The following SNX16 variants were observed in gnomAD, a reference collection of about 807,000 sequenced individuals.
SNX16 encodes the protein sorting nexin-16.
A neutral mutation model predicts 36.7 loss-of-function variants in SNX16; 35 were observed. That is an observed-to-expected ratio of 0.95 (90% confidence interval 0.73 to 1.27). SNX16 has a LOEUF of 1.27. Ranked by LOEUF, SNX16 falls within the 50% of genes most tolerant of loss-of-function variation. The pLI, the probability that SNX16 is intolerant of heterozygous loss-of-function variation, is 0.00. For missense variants in SNX16, 367 were observed against 393.6 expected, an observed-to-expected ratio of 0.93 and a Z score of 0.57; for synonymous variants, 134 against 132.0, an observed-to-expected ratio of 1.02 and a Z score of -0.10.
chr8:81,834,332 T>C (rs542871085), intron 2 of SNX16, among the ~76,000 whole-genome samples: 25 of 152,310 alleles, frequency 1.6e-4, no homozygotes, highest in African/African-American at 6.0e-4. Flanking sequence ...GAATTCAAGA[T>C]GAGATTTGGG....
intron 6 of SNX16, among the ~76,000 whole-genome samples, 175 bp downstream of exon 6, chr8:81,802,917 A>G (rs1456044981): frequency 6.6e-6 from 1 of 151,936 alleles, no homozygotes; most frequent in Non-Finnish European, 1.5e-5. Context: ...AATGTTCAAA[A>G]TTTATTTAGC....
chr8:81,823,352 T>A (rs1731839290), intron 4 of SNX16, among the ~76,000 whole-genome samples: 1 of 152,134 alleles, frequency 6.6e-6, no homozygotes, highest in African/African-American at 2.4e-5. Context: ...GTATTTTCAC[T>A]CTACCTTCTA....
At chr8:81,812,226 A>C (rs1376455640) in intron 5 of SNX16, among the ~76,000 whole-genome samples, 1 of 152,100 alleles carries the variant, frequency 6.6e-6, no homozygotes, top group Non-Finnish European at 1.5e-5. Flanking sequence ...AAGAAGGAGA[A>C]GGGAGAGAAA....
intron 1 of SNX16, 50 bp from the exon 2 acceptor site, chr8:81,840,132 G>T: frequency 1.1e-6 from 1 of 872,002 alleles, no homozygotes; most frequent in Non-Finnish European, 1.7e-6. Flanking sequence ...TGTGCAGCAG[G>T]ATTCAAAAGA....
At chr8:81,822,167 G>A (rs531760273) in intron 4 of SNX16, among the ~76,000 whole-genome samples, 2 of 152,074 alleles carry the variant, frequency 1.3e-5, no homozygotes, top group African/African-American at 2.4e-5. Flanking sequence ...GGTGGTGGTG[G>A]TAGTGGTGGT....
At chr8:81,841,593 T>C (rs1811779105) in intron 1 of SNX16, 1 of 151,416 alleles carries the variant, frequency 6.6e-6, no homozygotes, top group African/African-American at 2.4e-5. Context: ...ACACAACCAC[T>C]GACGTCCGAA....
chr8:81,829,479 C>A lies in SNX16; in HGVS notation c.413G>T (p.Ser138Ile). The change falls in exon 3 of 8, where the codon AGC becomes ATC. Residue 138 changes from serine (S) to isoleucine (I), a missense_variant. By Grantham distance (142) the Ser-to-Ile change is moderately radical. Coordinates refer to ENST00000345957, the MANE Select transcript of SNX16 (RefSeq NM_152836.3). The stretch of plus-strand genomic sequence containing the variant: ...AGTGTATCTTCTGAAAACTACCCAG[C>A]TTTCTTCTGGGGTTTTCTTTACTAG... ...KILVKKTPEESWVVFRRYTDF... is the reference protein window; with the variant it reads ...KILVKKTPEEIWVVFRRYTDF... 1 of 1,431,382 alleles carries A rather than the reference C, an allele frequency of 7.0e-7. No homozygotes were observed. The highest frequency in any genetic ancestry group is 9.2e-7 in the Non-Finnish European group (1 of 1,090,734). The allele number at this position is 1,431,382 out of a possible 1,614,324, so 88.7% of individuals were successfully genotyped here.
intron 2 of SNX16, among the ~76,000 whole-genome samples, chr8:81,836,308 T>C (rs1318887943): frequency 1.3e-5 from 2 of 152,214 alleles, no homozygotes; most frequent in Non-Finnish European, 2.9e-5. Context: ...GAAAAAATTA[T>C]TTTACAAACC....
At chr8:81,809,411 G>A (rs1473120108) in intron 5 of SNX16, among the ~76,000 whole-genome samples, 2 of 151,490 alleles carry the variant, frequency 1.3e-5, no homozygotes, top group African/African-American at 2.4e-5. Context: ...CCATTATTAG[G>A]TGTAATCAAT....
chr8:81,807,143 C>A (rs1410326686), intron 5 of SNX16, among the ~76,000 whole-genome samples: 1 of 152,050 alleles, frequency 6.6e-6, no homozygotes, highest in Non-Finnish European at 1.5e-5. Context: ...AATAAGGGCA[C>A]CCTTGTTCTG....
At chr8:81,817,050 T>C (rs1201896519) in intron 4 of SNX16, among the ~76,000 whole-genome samples, 1 of 152,170 alleles carries the variant, frequency 6.6e-6, no homozygotes, top group African/African-American at 2.4e-5. Context: ...TGCTATTACA[T>C]ACAAATGACT....
chr8:81,807,070 T>C, intron 5 of SNX16, among the ~76,000 whole-genome samples: 1 of 152,196 alleles, frequency 6.6e-6, no homozygotes, highest in Non-Finnish European at 1.5e-5. Context: ...AATAGGATTT[T>C]TTCATGGAAC....
At chr8:81,837,305 A>G (rs1811533328) in intron 2 of SNX16, among the ~76,000 whole-genome samples, 1 of 152,222 alleles carries the variant, frequency 6.6e-6, no homozygotes, top group Non-Finnish European at 1.5e-5. Flanking sequence ...CTAATTTCAT[A>G]TCTGTCATTT....
At chr8:81,830,395 C>A (rs1403078745) in intron 2 of SNX16, among the ~76,000 whole-genome samples, 1 of 151,684 alleles carries the variant, frequency 6.6e-6, no homozygotes, top group East Asian at 1.9e-4. Flanking sequence ...ACAGTGCAAC[C>A]CCATCTCTAC....
chr8:81,836,835 C>A (rs957632938), intron 2 of SNX16, among the ~76,000 whole-genome samples: 1 of 152,168 alleles, frequency 6.6e-6, no homozygotes, highest in African/African-American at 2.4e-5. Context: ...TTTTAAAAAC[C>A]TTTTAAAAGA....
intron 1 of SNX16, 116 bp from the exon 2 acceptor site, chr8:81,840,198 C>G (rs1811681779): frequency 6.0e-6 from 3 of 503,196 alleles, no homozygotes; most frequent in Non-Finnish European, 1.0e-5. Context: ...GAAAACATAC[C>G]TCAAACCCCT....
chr8:81,822,959 T>TAC (rs1269795134), intron 4 of SNX16, among the ~76,000 whole-genome samples: 18 of 81,596 alleles, frequency 2.2e-4, no homozygotes, highest in African/African-American at 8.6e-4. Context: ...TATATATATA[T>TAC]ATATATATAT....
At chr8:81,830,518 C>T (rs539854447) in intron 2 of SNX16, among the ~76,000 whole-genome samples, 1 of 147,738 alleles carries the variant, frequency 6.8e-6, no homozygotes, top group African/African-American at 2.5e-5. Flanking sequence ...TTGCAGTGAG[C>T]TGACATTGCA....
At chr8:81,816,022 A>T (rs1329280399) in intron 4 of SNX16, among the ~76,000 whole-genome samples, 1 of 152,108 alleles carries the variant, frequency 6.6e-6, no homozygotes. Context: ...AGATAACCAA[A>T]CTTCCTTATA....
Sources: gnomAD v4.1 joint callset for allele counts (sites outside exome capture counted in the v4.1 genomes callset) on GRCh38, gnomAD v4.1.1 for gene constraint, MANE v1.5 for transcripts, NCBI Gene and HGNC (gene_info 2026-07-23, HGNC 2026-07-21) for gene names.